The following PQBP1 variants were observed in gnomAD, a reference collection of about 807,000 sequenced individuals.
PQBP1 encodes the protein polyglutamine-binding protein 1.
Under a neutral mutation model 20.9 loss-of-function variants are expected in PQBP1, and 3 were observed. The ratio of observed to expected loss-of-function variants is 0.14; its 90% CI spans 0.07 to 0.37. The LOEUF (loss-of-function observed/expected upper bound fraction) is 0.37. PQBP1 is among the 10% of genes least tolerant of loss of function. PQBP1 has a pLI of 1.00. For missense variants in PQBP1, 162 were observed against 240.3 expected (o/e 0.67, Z 2.16); for synonymous variants, 83 against 93.8 (o/e 0.88, Z 0.67).
In PQBP1 at chrX:48,901,193, C is replaced by T; in HGVS notation, c.71C>T (p.Pro24Leu). 1 of 1,208,381 alleles carries T rather than the reference C, an allele frequency of 8.3e-7. No individual in the cohort carries two copies. Among genetic ancestry groups the T allele is most frequent in the Non-Finnish European group, 1.1e-6 (1 of 893,944 alleles). ...RGILKHLEPE[P>L]EEEIIAEDYD... is the part of the protein sequence containing the mutation. ...CATCCCCACCTTGTTCTACCAGAAC[C>T]AGAGGAAGAGATCATTGCCGAGGAC... Residue 24 changes from proline to leucine, a missense_variant, in exon 3 of 7, where the codon CCA (proline) becomes CTA (leucine). Pro to Leu is a moderately conservative substitution (Grantham distance 98). Coordinates refer to ENST00000447146, the MANE Select transcript of PQBP1 (RefSeq NM_001032382.2).
intron 2 of PQBP1, among the ~76,000 whole-genome samples, chrX:48,900,221 A>G (rs1557040706): frequency 9.6e-6 from 1 of 104,204 alleles, no homozygotes; most frequent in African/African-American, 3.5e-5. Context: ...ACTGCACTCC[A>G]GCCTGGGCAA....
At position 48,901,999 on chromosome X, in the gene PQBP1, C is replaced by G. The variant is rs148270310; in HGVS notation, c.249C>G (p.Ser83=). Reference sequence around the variant, plus strand: ...GGCTCTCCCCACATGACCCCAACTCCGTGGTTACCAAATCGGCCAAGAAGC... The same window carrying G: ...GGCTCTCCCCACATGACCCCAACTCGGTGGTTACCAAATCGGCCAAGAAGC... ...VSWLSPHDPN[S]VVTKSAKKLR... Residue 83 remains serine, a synonymous_variant, in exon 4 of 7, where the codon TCC becomes TCG. Transcript: ENST00000447146. 30 of 1,211,865 alleles carry G rather than the reference C, an allele frequency of 2.5e-5. No individual in the cohort carries two copies. The highest frequency in any genetic ancestry group is 3.0e-5 in the Non-Finnish European group (27 of 895,572).
chrX:48,898,025 G>A lies in PQBP1; in HGVS notation c.-76G>A. The A allele has an allele frequency of 9.9e-7, 1 of 1,008,809 alleles. No individual in the cohort carries two copies. Among genetic ancestry groups the A allele is most frequent in the East Asian group, 3.6e-5 (1 of 27,686 alleles). 83.1% of individuals were successfully genotyped at this position (1,008,809 alleles called of 1,213,427 possible). On this transcript the variant is annotated 5_prime_UTR_variant, in exon 1 of 7. Transcript: ENST00000447146. Reference sequence around the variant, plus strand: ...GTCGTGTGGGCCCAGGTATCGTAGCGGCGACACGAGAGAGACGGGCGGTGT... The same window carrying A: ...GTCGTGTGGGCCCAGGTATCGTAGCAGCGACACGAGAGAGACGGGCGGTGT...
At chrX:48,901,523 G>C in intron 3 of PQBP1, 1 of 800,842 alleles carries the variant, frequency 1.2e-6, no homozygotes, top group South Asian at 2.2e-5. Context: ...TTGTAGCCCG[G>C]GCTGGAGTGC....
intron 2 of PQBP1, among the ~76,000 whole-genome samples, chrX:48,899,784 C>T (rs954357228): frequency 9.0e-5 from 10 of 111,546 alleles, no homozygotes; most frequent in Non-Finnish European, 1.9e-4. Context: ...TCATTTAGGC[C>T]TACTGTGCTC....
At chrX:48,901,543 AT>A in intron 3 of PQBP1, 1 of 677,559 alleles carries the variant, frequency 1.5e-6, no homozygotes, top group Non-Finnish European at 2.2e-6. Flanking sequence ...CAATGGTGTG[AT>A]CTCGGCTTAT....
chrX:48,901,284 G>A lies in PQBP1; in HGVS notation c.162G>A (p.Lys54=). The change falls in exon 3 of 7, where the codon AAG becomes AAA. Residue 54 remains lysine (K), a synonymous_variant. Coordinates refer to ENST00000447146, the MANE Select transcript of PQBP1 (RefSeq NM_001032382.2). ...AGGGCCTACCACCAAGCTGGTACAA[G>A]GTGTTCGACCCTTCCTGGTGAGCCT... is the stretch of plus-strand genomic sequence containing the variant. The part of the protein sequence containing the change: ...RLEGLPPSWY[K]VFDPSCGLPY... 1.7e-6 allele frequency: 2 copies of A among 1,204,519 alleles called. No homozygotes were observed. The highest frequency in any genetic ancestry group is 1.1e-6 in the Non-Finnish European group (1 of 891,874).
At chrX:48,899,321 G>A (rs1221247592) in intron 2 of PQBP1, among the ~76,000 whole-genome samples, 2 of 112,059 alleles carry the variant, frequency 1.8e-5, no homozygotes, top group African/African-American at 3.2e-5. Context: ...TGGGCGTGGC[G>A]GCTCAAGCTG....
At chrX:48,901,344 C>A in intron 3 of PQBP1, 43 bp downstream of exon 3, 1 of 1,173,395 alleles carries the variant, frequency 8.5e-7, no homozygotes, top group Non-Finnish European at 1.1e-6. Context: ...CTTCACCCTT[C>A]CTGTGCTGAC....
In PQBP1 at chrX:48,897,991, G is replaced by T; in HGVS notation, c.-110G>T. On this transcript the variant is annotated 5_prime_UTR_variant, in exon 1 of 7. Transcript: ENST00000447146. ...GAGAGAAGGTCTCATTCGGTGTTTT[G>T]GGAAGAGAGTCGTGTGGGCCCAGGT... 1 of 960,031 alleles carries T rather than the reference G, an allele frequency of 1.0e-6. No homozygotes were observed. Among genetic ancestry groups the T allele is most frequent in the Non-Finnish European group, 1.4e-6 (1 of 728,498 alleles). The allele number at this position is 960,031 out of a possible 1,213,427, so 79.1% of individuals were successfully genotyped here.
intron 1 of PQBP1, 58 bp downstream of exon 1, chrX:48,898,140 C>T: frequency 2.0e-6 from 2 of 1,022,170 alleles, no homozygotes; most frequent in East Asian, 4.4e-5. Flanking sequence ...CCTCTGCTCC[C>T]CCATCCCAGC....
At chrX:48,902,566 C>T in intron 5 of PQBP1, 49 bp downstream of exon 5, 1 of 1,184,737 alleles carries the variant, frequency 8.4e-7, no homozygotes, top group Non-Finnish European at 1.1e-6. Context: ...GTGCAGGGTG[C>T]ACTGCGTGAG....
intron 3 of PQBP1, chrX:48,901,724 C>A: frequency 1.5e-6 from 1 of 670,591 alleles, no homozygotes; most frequent in Non-Finnish European, 2.2e-6. Context: ...GGTGATCCGC[C>A]TGCCTCGGCC....
Position 48,902,319 on chromosome X carries a change from G to A in PQBP1, c.379G>A (p.Gly127Ser), listed in dbSNP as rs376223973. Residue 127 changes from glycine to serine, a missense_variant, in exon 5 of 7, where the codon GGC (glycine) becomes AGC (serine). Coordinates refer to ENST00000447146, the MANE Select transcript of PQBP1 (RefSeq NM_001032382.2). ...CCGCAGCCATGAGAAACTAGACAGG[G>A]GCCACGACAAGTCAGACCGGGGCCA... ...SDRSHEKLDRGHDKSDRGHDK... is the reference protein window; with the variant it reads ...SDRSHEKLDRSHDKSDRGHDK... 5 of 1,208,839 alleles carry A rather than the reference G, an allele frequency of 4.1e-6. No individual in the cohort carries two copies. Among genetic ancestry groups the A allele is most frequent in the Non-Finnish European group, 5.6e-6 (5 of 894,847 alleles).
chrX:48,899,720 G>T (rs2063374127), intron 2 of PQBP1, among the ~76,000 whole-genome samples: 1 of 112,032 alleles, frequency 8.9e-6, no homozygotes, highest in South Asian at 3.6e-4. Context: ...AGGAAGTACT[G>T]CTAACCTCTA....
chrX:48,902,472 C>T lies in PQBP1; in HGVS notation c.532C>T (p.His178Tyr). 1 of 1,207,412 alleles carries T rather than the reference C, an allele frequency of 8.3e-7. No homozygotes were observed. The highest frequency in any genetic ancestry group is 1.1e-6 in the Non-Finnish European group (1 of 893,869). The change falls in exon 5 of 7, where the codon CAC (histidine) becomes TAC (tyrosine). Residue 178 changes from histidine to tyrosine, a missense_variant. Transcript: ENST00000447146. Reference protein sequence around the residue: ...ADREEGKERRHHRREELAPYP... With the variant: ...ADREEGKERRYHRREELAPYP... Reference sequence around the variant, plus strand: ...CCGGGAAGAGGGCAAAGAACGGCGCCACCATCGCCGGGAGGAGCTGGCTCC... The same window carrying T: ...CCGGGAAGAGGGCAAAGAACGGCGCTACCATCGCCGGGAGGAGCTGGCTCC...
rs1234095381 is a variant in PQBP1, at chrX:48,903,107, G to T, written c.*23G>T. 8.4e-7 allele frequency: 1 copy of T among 1,193,690 alleles called. No individual in the cohort carries two copies. The highest frequency in any genetic ancestry group is 1.1e-6 in the Non-Finnish European group (1 of 886,113). On this transcript the variant is annotated 3_prime_UTR_variant, in exon 7 of 7. Transcript: ENST00000447146. ...TGAAGCTTCGGCCTCCCTGGCCCTG[G>T]GTTAAAATAAAAGCTTTCTGGTGAT... is the stretch of plus-strand genomic sequence containing the variant.
rs1557041464 is a variant in PQBP1, at chrX:48,902,400, G to C, written c.460G>C (p.Glu154Gln). ...CTATGACAAGGTAGACAGAGAGAGA[G>C]AGCGAGACAGGGAACGGGATCGGGA... Reference protein sequence around the residue: ...RGYDKVDRERERDRERDRDRG... With the variant: ...RGYDKVDRERQRDRERDRDRG... The change falls in exon 5 of 7, where the codon GAG (glutamate) becomes CAG (glutamine). Residue 154 changes from glutamate to glutamine, a missense_variant. Coordinates refer to ENST00000447146, the MANE Select transcript of PQBP1 (RefSeq NM_001032382.2). 1.7e-5 allele frequency: 21 copies of C among 1,209,407 alleles called. No individual in the cohort carries two copies. The highest frequency in any genetic ancestry group is 2.1e-5 in the Non-Finnish European group (19 of 894,391).
intron 1 of PQBP1, 49 bp downstream of exon 1, chrX:48,898,131 C>T (rs1212497295): frequency 8.9e-6 from 9 of 1,016,759 alleles, no homozygotes; most frequent in Non-Finnish European, 1.1e-5. Context: ...AAGTGCTGCC[C>T]TCTGCTCCCC....
Sources: gnomAD v4.1 joint callset for allele counts (sites outside exome capture counted in the v4.1 genomes callset) on GRCh38, gnomAD v4.1.1 for gene constraint, MANE v1.5 for transcripts, NCBI Gene and HGNC (gene_info 2026-07-23, HGNC 2026-07-21) for gene names.